COL21A1: variants seen among roughly 807,000 people sequenced by gnomAD.
The protein encoded by COL21A1 is collagen type XXI alpha 1 chain, also known as collagen alpha-1(XXI) chain.
COL21A1 carries 149 observed loss-of-function variants against 137.9 expected under a neutral mutation model. That is an observed-to-expected ratio of 1.08 (90% CI 0.95 to 1.24). COL21A1 has a LOEUF of 1.24. Among genes scored for constraint, COL21A1 ranks in the 50% most tolerant of loss-of-function variants. The probability of loss-of-function intolerance (pLI) is 0.00; values close to 1 mark genes in which losing one functional copy is unlikely to be tolerated. For missense variants in COL21A1, 1,167 were observed against 1,158.4 expected (o/e 1.01, Z -0.11); for synonymous variants, 456 against 391.5 (o/e 1.16, Z -1.95).
chr6:56,189,122 C>T (rs566619930), intron 1 of COL21A1, among the ~76,000 whole-genome samples: 173 of 152,020 alleles, frequency 1.1e-3, no homozygotes, highest in African/African-American at 3.7e-3. Flanking sequence ...ATGAATTTGA[C>T]GAATTGACAG....
intron 1 of COL21A1, among the ~76,000 whole-genome samples, chr6:56,196,881 T>G (rs575990595): frequency 1.3e-5 from 2 of 151,938 alleles, no homozygotes; most frequent in East Asian, 3.9e-4. Context: ...AAAAATTAAG[T>G]CCTAAAATTT....
intron 1 of COL21A1, among the ~76,000 whole-genome samples, chr6:56,281,851 A>G (rs925301407): frequency 3.9e-5 from 6 of 152,246 alleles, no homozygotes; most frequent in Non-Finnish European, 2.9e-5. Flanking sequence ...CTATAATTAA[A>G]TAACTCATCA....
chr6:56,116,399 A>T (rs1346513933), intron 16 of COL21A1, among the ~76,000 whole-genome samples: 121 of 15,788 alleles, frequency 7.7e-3, no homozygotes, highest in African/African-American at 0.025. Flanking sequence ...CCAAAGGTAA[A>T]AAAAAAAAAA....
chr6:56,232,681 A>G (rs1781644368), intron 1 of COL21A1, among the ~76,000 whole-genome samples: 1 of 151,970 alleles, frequency 6.6e-6, no homozygotes, highest in South Asian at 2.1e-4. Context: ...GAATTACAGT[A>G]TGTCAGACTT....
chr6:56,158,253 C>CTTTTTT (rs59381031), intron 9 of COL21A1, among the ~76,000 whole-genome samples: 1 of 104,908 alleles, frequency 9.5e-6, no homozygotes, highest in Non-Finnish European at 1.8e-5. Context: ...TGGGTTTTTT[C>CTTTTTT]TTTTTTTTTT....
intron 1 of COL21A1, among the ~76,000 whole-genome samples, chr6:56,321,992 A>G (rs1442398222): frequency 4.6e-5 from 7 of 152,138 alleles, no homozygotes; most frequent in Non-Finnish European, 8.8e-5. Context: ...CTAAATCAGC[A>G]TGCAATGAAA....
chr6:56,287,714 G>A (rs1237751212), intron 1 of COL21A1, among the ~76,000 whole-genome samples: 2 of 152,058 alleles, frequency 1.3e-5, no homozygotes, highest in Admixed American at 1.3e-4. Flanking sequence ...AGCAATGTGA[G>A]AATGGACTAA....
chr6:56,390,871 T>C (rs1181571137), intron 1 of COL21A1, among the ~76,000 whole-genome samples: 2 of 152,116 alleles, frequency 1.3e-5, no homozygotes, highest in Admixed American at 6.6e-5. Context: ...TCAATAATTG[T>C]TGGGAACCTC....
intron 1 of COL21A1, among the ~76,000 whole-genome samples, chr6:56,278,208 A>T (rs1170047427): frequency 6.6e-6 from 1 of 152,208 alleles, no homozygotes; most frequent in African/African-American, 2.4e-5. Context: ...CACACCCTGG[A>T]GCATTAGACC....
intron 1 of COL21A1, among the ~76,000 whole-genome samples, chr6:56,226,833 G>T (rs4712119): frequency 6.6e-6 from 1 of 151,372 alleles, no homozygotes; most frequent in Non-Finnish European, 1.5e-5. Flanking sequence ...TGAAACTTTC[G>T]AAGAGACTAT....
chr6:56,217,133 C>G (rs12199712), intron 1 of COL21A1, among the ~76,000 whole-genome samples: 100,059 of 151,900 alleles, frequency 0.66, 33,365 homozygotes, highest in East Asian at 0.86. Context: ...AATAGTGTTG[C>G]AGAGTAATAC....
intron 17 of COL21A1, among the ~76,000 whole-genome samples, chr6:56,081,974 A>T (rs543246073): frequency 1.3e-5 from 2 of 151,962 alleles, no homozygotes; most frequent in Admixed American, 1.3e-4. Flanking sequence ...AGGAAAAGCC[A>T]TTTGGAGGCC....
At chr6:56,291,772 G>GT in intron 1 of COL21A1, among the ~76,000 whole-genome samples, 1 of 152,308 alleles carries the variant, frequency 6.6e-6, no homozygotes, top group East Asian at 1.9e-4. Context: ...GTTATCTCCT[G>GT]TTAGTCAGTA....
intron 1 of COL21A1, among the ~76,000 whole-genome samples, chr6:56,275,517 G>GA (rs1436669828): frequency 1.3e-5 from 2 of 151,442 alleles, no homozygotes; most frequent in East Asian, 3.9e-4. Flanking sequence ...AATCAACAAG[G>GA]AAAAAAACAA....
intron 29 of COL21A1, 92 bp downstream of exon 29, chr6:56,059,073 G>A: frequency 2.2e-6 from 2 of 923,778 alleles, no homozygotes; most frequent in Non-Finnish European, 3.4e-6. Flanking sequence ...GAAAACAGAT[G>A]TCTCAGTTTC....
chr6:56,249,314 C>G (rs73457193), upstream of COL21A1, among the ~76,000 whole-genome samples: 2,853 of 152,234 alleles, frequency 0.019, 97 homozygotes, highest in African/African-American at 0.066. Context: ...TTGCCATTCT[C>G]TAAAATGTTC....
chr6:56,125,511 G>T (rs1772976566), intron 14 of COL21A1, 56 bp downstream of exon 14: 3 of 1,272,860 alleles, frequency 2.4e-6, no homozygotes, highest in Non-Finnish European at 2.2e-6. Flanking sequence ...CTAGTTTTCT[G>T]TTTCCATTAC....
At chr6:56,320,709 T>C (rs1209107531) in intron 1 of COL21A1, among the ~76,000 whole-genome samples, 1 of 152,188 alleles carries the variant, frequency 6.6e-6, no homozygotes, top group Non-Finnish European at 1.5e-5. Flanking sequence ...ATGTGGCTTG[T>C]ACCTTCACAT....
chr6:56,316,407 T>G (rs1216755334), intron 1 of COL21A1, among the ~76,000 whole-genome samples: 1 of 151,814 alleles, frequency 6.6e-6, no homozygotes, highest in Non-Finnish European at 1.5e-5. Context: ...TGGAGTCAAA[T>G]TATAATTTTA....
Sources: allele counts gnomAD v4.1 joint callset (sites outside exome capture counted in the v4.1 genomes callset), GRCh38; gene constraint gnomAD v4.1.1; transcripts MANE v1.5; gene names NCBI Gene and HGNC (gene_info 2026-07-23, HGNC 2026-07-21).